The following ATP6V0E1 variants were observed in gnomAD, a reference collection of about 807,000 sequenced individuals.
ATP6V0E1 encodes V-type proton ATPase subunit e 1.
Under a neutral mutation model 11.6 loss-of-function variants are expected in ATP6V0E1, and 4 were observed. The ratio of observed to expected loss-of-function variants is 0.35; its 90% CI spans 0.17 to 0.79. ATP6V0E1 has a LOEUF of 0.79. Among genes scored for constraint, ATP6V0E1 ranks in the 30% least tolerant of loss-of-function variants. The pLI is 0.54. For synonymous variants in ATP6V0E1, 36 were observed against 34.8 expected (o/e 1.04, Z -0.13); for missense variants, 105 against 100.0 (o/e 1.05, Z -0.21).
At chr5:173,014,116 G>A (rs1006427933) in intron 2 of ATP6V0E1, among the ~76,000 whole-genome samples, 3 of 147,456 alleles carry the variant, frequency 2.0e-5, no homozygotes, top group African/African-American at 7.6e-5. Flanking sequence ...AGCCAAGATC[G>A]TGCCACTGCA....
chr5:172,989,391 A>G (rs373634277), intron 1 of ATP6V0E1, among the ~76,000 whole-genome samples: 3 of 152,292 alleles, frequency 2.0e-5, no homozygotes, highest in Middle Eastern at 3.4e-3. Flanking sequence ...ATTAGGTCCT[A>G]TAACCTCCTA....
At chr5:173,005,452 G>A (rs192245472) in intron 2 of ATP6V0E1, among the ~76,000 whole-genome samples, 286 of 152,288 alleles carry the variant, frequency 1.9e-3, no homozygotes, top group African/African-American at 5.9e-3. Flanking sequence ...GGGCTCAAAC[G>A]ATCTGCCTGC....
At chr5:172,985,097 T>G (rs1028930829) in intron 1 of ATP6V0E1, among the ~76,000 whole-genome samples, 1 of 151,890 alleles carries the variant, frequency 6.6e-6, no homozygotes, top group African/African-American at 2.4e-5. Context: ...CACAAAAAAT[T>G]AGCCGGGCGT....
At chr5:173,016,048 G>GA (rs1756394275) in intron 2 of ATP6V0E1, among the ~76,000 whole-genome samples, 1 of 152,190 alleles carries the variant, frequency 6.6e-6, no homozygotes, top group South Asian at 2.1e-4. Flanking sequence ...TAGTAAACCA[G>GA]AAAACGTGTT....
rs1756720096 is a variant in ATP6V0E1 at position 173,034,959 on chromosome 5, A to G, written c.*597A>G. 6.5e-6 allele frequency: 1 copy of G among 153,744 alleles called. No homozygotes were observed. Among genetic ancestry groups the G allele is most frequent in the African/African-American group, 2.4e-5 (1 of 41,454 alleles). 9.5% of individuals were successfully genotyped at this position (153,744 alleles called of 1,614,324 possible). The stretch of plus-strand genomic sequence containing the variant: ...CTATCGCTACATAATGCCTTTTTAA[A>G]AAATGATTTTGTAGTCTAAACTTAG... On this transcript the variant is annotated 3_prime_UTR_variant, in exon 4 of 4. Transcript: ENST00000519374.
rs993532727 is a variant in ATP6V0E1 at position 173,023,195 on chromosome 5, A to C, written c.*36+2828A>C. ...TTTCCAGTTCTATTTTTATTTATTT[A>C]TTTATTTATTCATTTTGAGACAGAG... is the stretch of plus-strand genomic sequence containing the variant. On this transcript the variant is annotated intron_variant, in intron 3 of 3. Transcript: ENST00000519374. Among the ~76,000 whole-genome samples the C allele has an allele frequency of 5.2e-5, 3 of 57,404 alleles. No individual in the cohort carries two copies. In the African/African-American group the frequency reaches 5.9e-4, roughly 11 times the overall value. The allele number at this position is 57,404 out of a possible 152,430, so 37.7% of individuals were successfully genotyped here.
At chr5:172,994,875 T>C in intron 2 of ATP6V0E1, 53 bp downstream of exon 2, 1 of 1,414,866 alleles carries the variant, frequency 7.1e-7, no homozygotes, top group Non-Finnish European at 9.7e-7. Flanking sequence ...TGTGTGCGAT[T>C]TACACATTTG....
chr5:172,994,814 C>T lies in ATP6V0E1; in HGVS notation c.144C>T (p.Cys48=). Residue 48 remains cysteine (C), a synonymous_variant, in exon 2 of 4, where the codon TGC becomes TGT. Coordinates refer to ENST00000519374, the MANE Select transcript of ATP6V0E1 (RefSeq NM_003945.4). ...ITMLVTCSVC[C]YLFWLIAILA... is the part of the protein sequence containing the mutation. ...TGTTGGTGACCTGTTCAGTTTGCTG[C>T]TATCTCTTGTAAGTAATTTTTTCTT... 1 of 1,595,620 alleles carries T rather than the reference C, an allele frequency of 6.3e-7. No homozygotes were observed. The highest frequency in any genetic ancestry group is 8.5e-7 in the Non-Finnish European group (1 of 1,172,116).
At chr5:172,994,242 GCTT>G (rs896450012) in intron 1 of ATP6V0E1, among the ~76,000 whole-genome samples, 1 of 152,160 alleles carries the variant, frequency 6.6e-6, no homozygotes, top group African/African-American at 2.4e-5. Flanking sequence ...AAATGGCAGA[GCTT>G]CTTCTGAGGA....
At chr5:173,030,458 T>TG (rs1756633196) in intron 3 of ATP6V0E1, among the ~76,000 whole-genome samples, 2 of 138,888 alleles carry the variant, frequency 1.4e-5, no homozygotes, top group African/African-American at 5.5e-5. Flanking sequence ...TTTTTTTTTT[T>TG]GAAACAGAGT....
rs1449267790 is a variant in ATP6V0E1, at chr5:172,985,194, G to A, written c.104+1230G>A. 6.7e-5 allele frequency among the ~76,000 whole-genome samples: 10 copies of A among 148,728 alleles called. No individual in the cohort carries two copies. In the South Asian group the frequency reaches 1.3e-3, roughly 19 times the overall value. On this transcript the variant is annotated intron_variant, in intron 1 of 3. Transcript: ENST00000519374. ...CAGGAGGCAGAGCTTGCAGTGAGCC[G>A]AGATCGCGCCACTGCACTCCAGCCT...
chr5:173,011,527 G>A (rs928800322), intron 2 of ATP6V0E1, among the ~76,000 whole-genome samples: 6 of 152,156 alleles, frequency 3.9e-5, no homozygotes, highest in African/African-American at 1.4e-4. Flanking sequence ...AGTATAATGG[G>A]ACTCAGGAGT....
rs527337869 is a variant in ATP6V0E1 at position 173,030,447 on chromosome 5, T to A, written c.*37-3952T>A. Among the ~76,000 whole-genome samples, 29 of 150,500 alleles carry A rather than the reference T, an allele frequency of 1.9e-4. 1 individual carries two copies. The South Asian group carries it at 5.0e-3, about 26-fold the overall frequency. On this transcript the variant is annotated intron_variant, in intron 3 of 3. Transcript: ENST00000519374. ...TCTTCATTGTCAGTTTTTTGTTTTT[T>A]TTTTTTTTTTTGAAACAGAGTCTCA... is the stretch of plus-strand genomic sequence containing the variant.
chr5:173,031,040 G>A (rs1220574771), intron 3 of ATP6V0E1, among the ~76,000 whole-genome samples: 2 of 151,910 alleles, frequency 1.3e-5, no homozygotes, highest in Non-Finnish European at 2.9e-5. Flanking sequence ...TGCCTCCCGG[G>A]TTCATGCCAT....
At chr5:173,010,330 C>T (rs1198625887) in intron 2 of ATP6V0E1, among the ~76,000 whole-genome samples, 1 of 152,150 alleles carries the variant, frequency 6.6e-6, no homozygotes, top group Non-Finnish European at 1.5e-5. Flanking sequence ...AGCTGTCTTA[C>T]AGAGAAAGAG....
intron 2 of ATP6V0E1, among the ~76,000 whole-genome samples, chr5:173,012,497 A>C (rs1035927090): frequency 1.3e-5 from 2 of 152,046 alleles, no homozygotes; most frequent in Non-Finnish European, 2.9e-5. Flanking sequence ...TCACGCCTTT[A>C]ATCCCAGCAC....
intron 2 of ATP6V0E1, among the ~76,000 whole-genome samples, chr5:172,996,086 A>G (rs532825447): frequency 6.6e-6 from 1 of 152,182 alleles, no homozygotes; most frequent in Non-Finnish European, 1.5e-5. Flanking sequence ...AAAGACCATG[A>G]CTTTTTTTTC....
chr5:173,033,310 G>C (rs762778223), intron 3 of ATP6V0E1, among the ~76,000 whole-genome samples: 1 of 152,008 alleles, frequency 6.6e-6, no homozygotes, highest in African/African-American at 2.4e-5. Flanking sequence ...TGATCTTCCC[G>C]CCTTGGCGTC....
At position 173,002,107 on chromosome 5, in the gene ATP6V0E1, C is replaced by T. The variant is rs1756165969; in HGVS notation, c.152+7285C>T. Among the ~76,000 whole-genome samples the T allele has an allele frequency of 2.6e-5, 4 of 152,210 alleles. No individual in the cohort carries two copies. In the South Asian group the frequency reaches 8.3e-4, roughly 31 times the overall value. ...CTCATGGCCAATCGTGTTTTATCCC[C>T]ACACTTTTCCTCTCCACCCCAGATT... On this transcript the variant is annotated intron_variant, in intron 2 of 3. Transcript: ENST00000519374.
Sources: gnomAD v4.1 joint callset for allele counts (sites outside exome capture counted in the v4.1 genomes callset) on GRCh38, gnomAD v4.1.1 for gene constraint, MANE v1.5 for transcripts, NCBI Gene and HGNC (gene_info 2026-07-23, HGNC 2026-07-21) for gene names.